The following TIA1 variants were observed in gnomAD, a reference collection of about 807,000 sequenced individuals.
TIA1 encodes the protein TIA1 cytotoxic granule associated RNA binding protein.
A neutral mutation model predicts 65.9 loss-of-function variants in TIA1; 23 were observed. The ratio of observed to expected loss-of-function variants is 0.35; its 90% CI spans 0.25 to 0.49. The LOEUF is 0.49. TIA1 is among the 20% of genes least tolerant of loss of function. The pLI, the probability that TIA1 is intolerant of heterozygous loss-of-function variation, is 0.98. For synonymous variants in TIA1, 147 were observed against 149.4 expected, an observed-to-expected ratio of 0.98 and a Z score of 0.12; for missense variants, 371 against 477.9, an observed-to-expected ratio of 0.78 and a Z score of 2.09.
At chr2:70,241,561 G>C (rs143848394) in intron 1 of TIA1, among the ~76,000 whole-genome samples, 1 of 152,284 alleles carries the variant, frequency 6.6e-6, no homozygotes, top group Non-Finnish European at 1.5e-5. Context: ...GTGTGAGCTA[G>C]CCTCGGTGAC....
chr2:70,232,540 CAAAAAAAAAAAAAAA>C (rs70956955), intron 2 of TIA1, among the ~76,000 whole-genome samples: 118 of 40,276 alleles, frequency 2.9e-3, no homozygotes, highest in African/African-American at 7.5e-3. Context: ...AACTCTGTCT[CAAAAAAAAAAAAAAA>C]AAAAAAAAAA....
At chr2:70,243,060 T>C (rs1443696017) in intron 1 of TIA1, among the ~76,000 whole-genome samples, 1 of 152,204 alleles carries the variant, frequency 6.6e-6, no homozygotes, top group Non-Finnish European at 1.5e-5. Context: ...ACATTTGCAA[T>C]TTGCTAGAAA....
intron 7 of TIA1, among the ~76,000 whole-genome samples, chr2:70,221,369 C>A (rs918578604): frequency 6.6e-6 from 1 of 151,754 alleles, no homozygotes; most frequent in African/African-American, 2.4e-5. Flanking sequence ...ACTCTGGAGG[C>A]TGAGGCAGGA....
At chr2:70,218,839 G>A (rs1249280578) in intron 7 of TIA1, among the ~76,000 whole-genome samples, 2 of 152,242 alleles carry the variant, frequency 1.3e-5, no homozygotes, top group Non-Finnish European at 2.9e-5. Context: ...TTTAAAAAGT[G>A]TTGGTGGCCA....
At chr2:70,218,171 G>A (rs1679501425) in intron 7 of TIA1, among the ~76,000 whole-genome samples, 1 of 152,182 alleles carries the variant, frequency 6.6e-6, no homozygotes, top group South Asian at 2.1e-4. Context: ...CTACAGACAG[G>A]ATGAATAAGA....
intron 11 of TIA1, among the ~76,000 whole-genome samples, chr2:70,214,701 T>G (rs1677864611): frequency 6.6e-6 from 1 of 151,494 alleles, no homozygotes; most frequent in African/African-American, 2.4e-5. Flanking sequence ...CTGCTGTAAC[T>G]CTACGTGATA....
chr2:70,221,685 G>C (rs1681456480), intron 7 of TIA1, among the ~76,000 whole-genome samples: 1 of 152,078 alleles, frequency 6.6e-6, no homozygotes, highest in Non-Finnish European at 1.5e-5. Context: ...CTGCTAATGA[G>C]TCATGTAGCT....
chr2:70,220,842 G>T (rs1680966615), intron 7 of TIA1, among the ~76,000 whole-genome samples: 1 of 151,624 alleles, frequency 6.6e-6, no homozygotes, highest in Non-Finnish European at 1.5e-5. Context: ...TTAGGGAAGG[G>T]ATGTGAGGAT....
intron 7 of TIA1, 156 bp from the exon 8 acceptor site, chr2:70,217,150 G>C: frequency 1.8e-6 from 1 of 542,496 alleles, no homozygotes; most frequent in Non-Finnish European, 2.9e-6. Flanking sequence ...AAATGCAATG[G>C]TGCTTTTTAT....
chr2:70,217,840 T>C lies in TIA1; in HGVS notation c.475-846A>G, dbSNP rs572075939. Among the ~76,000 whole-genome samples, 3 of 152,300 alleles carry C rather than the reference T, an allele frequency of 2.0e-5. No individual in the cohort carries two copies. The South Asian group carries it at 6.2e-4, about 32-fold the overall frequency. The stretch of plus-strand genomic sequence containing the variant: ...TTTGAATATTAAATTTTGGGAACAT[T>C]AATCATCTGAAAAGGTCGTGAGCCC... On this transcript the variant is annotated intron_variant, in intron 7 of 12. Coordinates refer to ENST00000433529, the MANE Select transcript of TIA1 (RefSeq NM_022173.4).
intron 6 of TIA1, chr2:70,224,927 G>A: frequency 9.0e-7 from 1 of 1,112,074 alleles, no homozygotes; most frequent in South Asian, 3.1e-5. Context: ...CTACTCACAT[G>A]AACTACTTAA....
At chr2:70,213,102 TATCA>T (rs1478967981) in intron 12 of TIA1, among the ~76,000 whole-genome samples, 6 of 152,142 alleles carry the variant, frequency 3.9e-5, no homozygotes, top group Non-Finnish European at 5.9e-5. Context: ...ACCCTGAACT[TATCA>T]ACATTCATCT....
intron 7 of TIA1, among the ~76,000 whole-genome samples, chr2:70,223,468 C>T (rs1350343385): frequency 6.6e-6 from 1 of 152,018 alleles, no homozygotes; most frequent in Non-Finnish European, 1.5e-5. Flanking sequence ...GTCACCCAGG[C>T]TGGAGTACAG....
chr2:70,229,299 G>T lies in TIA1; in HGVS notation c.242C>A (p.Ala81Glu). The T allele has an allele frequency of 6.2e-7, 1 of 1,611,586 alleles. No individual in the cohort carries two copies. The change falls in exon 4 of 13, where the codon GCA (alanine) becomes GAA (glutamate). Residue 81 changes from alanine (A) to glutamate (E), a missense_variant. Transcript: ENST00000433529. ...TTTCTTTTGACTGCTAGGGGTTGTT[G>T]CCCAATTCACTTTGACTTCCTAAAA... is the stretch of plus-strand genomic sequence containing the variant. ...IMGKEVKVNW[A>E]TTPSSQKKDT...
Position 70,212,694 on chromosome 2 carries a change from T to C in TIA1, c.*25A>G, listed in dbSNP as rs1251117404. 1 of 1,487,398 alleles carries C rather than the reference T, an allele frequency of 6.7e-7. No individual in the cohort carries two copies. The highest frequency in any genetic ancestry group is 9.4e-7 in the Non-Finnish European group (1 of 1,064,638). The allele number at this position is 1,487,398 out of a possible 1,614,324, so 92.1% of individuals were successfully genotyped here. Reference sequence around the variant, plus strand: ...TACACTCCCTGTAGCCTCAAGCCACTGGCTTTAGATTCTGGAGTCCTTATT... The same window carrying C: ...TACACTCCCTGTAGCCTCAAGCCACCGGCTTTAGATTCTGGAGTCCTTATT... On this transcript the variant is annotated 3_prime_UTR_variant, in exon 13 of 13. Transcript: ENST00000433529.
chr2:70,234,291 A>T (rs1172517225), intron 2 of TIA1, among the ~76,000 whole-genome samples: 1 of 152,178 alleles, frequency 6.6e-6, no homozygotes, highest in Non-Finnish European at 1.5e-5. Context: ...ATTTTCCATA[A>T]ATGCTACCAT....
intron 11 of TIA1, 163 bp downstream of exon 11, chr2:70,215,208 G>T: frequency 1.2e-6 from 1 of 822,528 alleles, no homozygotes; most frequent in Non-Finnish European, 1.9e-6. Flanking sequence ...TGTCACCACT[G>T]CAATCCATGA....
At chr2:70,217,335 C>T (rs1210051148) in intron 7 of TIA1, among the ~76,000 whole-genome samples, 1 of 151,964 alleles carries the variant, frequency 6.6e-6, no homozygotes, top group Non-Finnish European at 1.5e-5. Context: ...CCATGCCTGG[C>T]TAATTTTTGT....
rs1213492672 is a variant in TIA1 at position 70,248,416 on chromosome 2, C to A, written c.15G>T (p.Met5Ile). MEDE[M>I]PKTLYVGNLS... is the part of the protein sequence containing the mutation. ...TGCCCCAGACTCACAGAGTCTTGGG[C>A]ATCTCGTCCTCCATGGCTGCTGCTG... Residue 5 changes from methionine (M) to isoleucine (I), a missense_variant, in exon 1 of 13, where the codon ATG becomes ATT. Transcript: ENST00000433529. The A allele has an allele frequency of 1.2e-6, 2 of 1,600,624 alleles. No individual in the cohort carries two copies. The highest frequency in any genetic ancestry group is 1.7e-6 in the Non-Finnish European group (2 of 1,179,934).
Sources: allele counts gnomAD v4.1 joint callset (sites outside exome capture counted in the v4.1 genomes callset), GRCh38; gene constraint gnomAD v4.1.1; transcripts MANE v1.5; gene names NCBI Gene and HGNC (gene_info 2026-07-23, HGNC 2026-07-21).